The following IQCM variants were observed in gnomAD, a reference collection of about 807,000 sequenced individuals.
IQCM encodes IQ domain-containing protein M.
IQCM carries 45 observed loss-of-function variants against 57.6 expected under a neutral mutation model. That is an observed-to-expected ratio of 0.78 (90% CI 0.62 to 1.00). The LOEUF is 1.00. Ranked by LOEUF, IQCM falls within the 50% of genes least tolerant of loss-of-function variation. IQCM has a pLI of 0.00. For synonymous variants in IQCM, 148 were observed against 158.9 expected (o/e 0.93, Z 0.51); for missense variants, 468 against 511.6 (o/e 0.91, Z 0.82).
intron 2 of IQCM, among the ~76,000 whole-genome samples, chr4:149,754,318 C>T (rs764471272): frequency 4.6e-5 from 7 of 152,266 alleles, no homozygotes; most frequent in African/African-American, 7.2e-5. Context: ...AGCCCCTCCC[C>T]GCCCCGGGGA....
intron 9 of IQCM, among the ~76,000 whole-genome samples, chr4:149,574,733 G>A (rs747987034): frequency 3.9e-4 from 59 of 151,860 alleles, no homozygotes; most frequent in Non-Finnish European, 7.2e-4. Context: ...TTAGAGTTTG[G>A]TTCAGATATT....
At chr4:149,651,738 A>G (rs17625197) in intron 7 of IQCM, among the ~76,000 whole-genome samples, 3,326 of 152,298 alleles carry the variant, frequency 0.022, 96 homozygotes, top group South Asian at 0.14. Flanking sequence ...GACTAAACAT[A>G]TGGCCTAAGA....
chr4:149,748,596 G>A (rs1768147909), intron 2 of IQCM: 1 of 151,956 alleles, frequency 6.6e-6, no homozygotes, highest in Admixed American at 6.6e-5. Context: ...GAGTTTTTCT[G>A]TGATCTTATT....
intron 8 of IQCM, among the ~76,000 whole-genome samples, chr4:149,610,679 A>C (rs1408032822): frequency 1.3e-5 from 2 of 152,104 alleles, no homozygotes; most frequent in African/African-American, 2.4e-5. Flanking sequence ...CAGAAGAATG[A>C]AACTAGACCC....
chr4:149,496,492 G>C (rs1457099072), intron 12 of IQCM, among the ~76,000 whole-genome samples: 6 of 152,050 alleles, frequency 3.9e-5, no homozygotes, highest in Non-Finnish European at 8.8e-5. Flanking sequence ...GTCAGAGTCA[G>C]AGGAGAGGAA....
intron 12 of IQCM, among the ~76,000 whole-genome samples, chr4:149,542,102 T>C (rs1747905058): frequency 6.6e-6 from 1 of 152,080 alleles, no homozygotes; most frequent in East Asian, 1.9e-4. Flanking sequence ...ATCTCCTCCA[T>C]TTTAAATTAA....
intron 8 of IQCM, among the ~76,000 whole-genome samples, chr4:149,613,200 T>C (rs1324024139): frequency 1.3e-5 from 2 of 151,760 alleles, no homozygotes; most frequent in Non-Finnish European, 1.5e-5. Context: ...TCCTCAAATG[T>C]TTTGGAGGAG....
chr4:149,355,244 T>A lies in IQCM; in HGVS notation c.1391-3178A>T, dbSNP rs534594843. Among the ~76,000 whole-genome samples, 55 of 152,284 alleles carry A rather than the reference T, an allele frequency of 3.6e-4. 1 individual carries two copies. In the South Asian group the frequency reaches 9.9e-3, roughly 28 times the overall value. The stretch of plus-strand genomic sequence containing the variant: ...TCTTTCAAAGTAAATATTCTTTTTT[T>A]AATTTTTTATTATTGTACTTTAAGT... On this transcript the variant is annotated intron_variant, in intron 13 of 13. Coordinates refer to ENST00000636793, the MANE Select transcript of IQCM (RefSeq NM_001363507.2).
chr4:149,631,942 G>A (rs899337104), intron 7 of IQCM, among the ~76,000 whole-genome samples: 4 of 152,188 alleles, frequency 2.6e-5, no homozygotes, highest in African/African-American at 9.6e-5. Context: ...AAGCACATTG[G>A]ACATTTTGGC....
intron 5 of IQCM, among the ~76,000 whole-genome samples, chr4:149,705,944 C>T (rs956595486): frequency 6.6e-6 from 1 of 151,754 alleles, no homozygotes; most frequent in South Asian, 2.1e-4. Flanking sequence ...TCTTTGTATG[C>T]CCCATGTAAC....
chr4:149,469,061 T>C (rs546706012), intron 12 of IQCM, among the ~76,000 whole-genome samples: 2 of 152,202 alleles, frequency 1.3e-5, no homozygotes, highest in African/African-American at 4.8e-5. Context: ...AAAAATCAGA[T>C]TGGCTCTTCT....
intron 13 of IQCM, among the ~76,000 whole-genome samples, chr4:149,403,052 A>G (rs1732729385): frequency 6.6e-6 from 1 of 151,974 alleles, no homozygotes; most frequent in Non-Finnish European, 1.5e-5. Flanking sequence ...CTCAGATGTC[A>G]TTCGTATTTA....
chr4:149,694,777 G>A (rs1436252871), intron 5 of IQCM, among the ~76,000 whole-genome samples: 2 of 152,030 alleles, frequency 1.3e-5, no homozygotes, highest in African/African-American at 4.8e-5. Flanking sequence ...GAAAATAGTT[G>A]GGCTTGAAGA....
chr4:149,534,672 A>G (rs1579398353), intron 12 of IQCM, among the ~76,000 whole-genome samples: 1 of 152,120 alleles, frequency 6.6e-6, no homozygotes, highest in South Asian at 2.1e-4. Context: ...CTGAAAAACT[A>G]TGCCAAAAAA....
chr4:149,690,910 T>G (rs1332927544), intron 5 of IQCM: 1 of 152,018 alleles, frequency 6.6e-6, no homozygotes, highest in Admixed American at 6.6e-5. Flanking sequence ...CATTATTTTT[T>G]ACTGTGCTCT....
intron 2 of IQCM, among the ~76,000 whole-genome samples, chr4:149,801,436 C>T (rs1773592722): frequency 6.6e-6 from 1 of 152,098 alleles, no homozygotes; most frequent in Non-Finnish European, 1.5e-5. Context: ...GAGATATCTG[C>T]ACTCCCATGT....
chr4:149,543,825 C>T (rs1748108526), intron 12 of IQCM, among the ~76,000 whole-genome samples: 1 of 152,108 alleles, frequency 6.6e-6, no homozygotes, highest in African/African-American at 2.4e-5. Flanking sequence ...TATAATAAAA[C>T]ATTAAATACT....
intron 2 of IQCM, among the ~76,000 whole-genome samples, chr4:149,745,551 C>T (rs183560988): frequency 6.6e-6 from 1 of 152,276 alleles, no homozygotes; most frequent in African/African-American, 2.4e-5. Context: ...ACTTAAGGCT[C>T]TCTGAAACGG....
intron 13 of IQCM, among the ~76,000 whole-genome samples, chr4:149,402,377 G>GA (rs11379151): frequency 0.43 from 64,729 of 151,282 alleles, 14,111 homozygotes; most frequent in East Asian, 0.51. Context: ...TGTGAGTTTA[G>GA]AAAAAAATAA....
Sources: gnomAD v4.1 joint callset for allele counts (sites outside exome capture counted in the v4.1 genomes callset) on GRCh38, gnomAD v4.1.1 for gene constraint, MANE v1.5 for transcripts, NCBI Gene and HGNC (gene_info 2026-07-23, HGNC 2026-07-21) for gene names.